The following KIF13A variants were observed in gnomAD, a reference collection of about 807,000 sequenced individuals.
KIF13A encodes the protein kinesin-like protein KIF13A.
KIF13A carries 79 observed loss-of-function variants against 212.2 expected under a neutral mutation model. The ratio of observed to expected loss-of-function variants is 0.37; its 90% CI spans 0.31 to 0.45. The LOEUF (loss-of-function observed/expected upper bound fraction) is 0.45. KIF13A is among the 20% of genes least tolerant of loss of function. The probability of loss-of-function intolerance (pLI) is 1.00; values close to 1 mark genes in which losing one functional copy is unlikely to be tolerated. For missense variants in KIF13A, 1,901 were observed against 2,209.0 expected, an observed-to-expected ratio of 0.86 and a Z score of 2.79; for synonymous variants, 789 against 808.6, an observed-to-expected ratio of 0.98 and a Z score of 0.41.
intron 17 of KIF13A, among the ~76,000 whole-genome samples, chr6:17,810,619 T>C (rs1041735373): frequency 6.6e-6 from 1 of 152,178 alleles, no homozygotes; most frequent in Non-Finnish European, 1.5e-5. Context: ...TAATAGACAA[T>C]GAAATAATGA....
At chr6:17,970,986 T>C (rs1002929634) in intron 2 of KIF13A, among the ~76,000 whole-genome samples, 4 of 152,230 alleles carry the variant, frequency 2.6e-5, no homozygotes, top group Non-Finnish European at 2.9e-5. Flanking sequence ...CAAATTTCAA[T>C]TTTATTTCGG....
intron 4 of KIF13A, among the ~76,000 whole-genome samples, chr6:17,873,048 C>T (rs192782749): frequency 1.4e-4 from 22 of 152,294 alleles, no homozygotes; most frequent in African/African-American, 5.1e-4. Flanking sequence ...GGAACTAAAG[C>T]AATTGTGACT....
chr6:17,981,391 C>T (rs1451450147), intron 2 of KIF13A, among the ~76,000 whole-genome samples: 1 of 150,830 alleles, frequency 6.6e-6, no homozygotes, highest in African/African-American at 2.4e-5. Flanking sequence ...AACTACAATG[C>T]ATTATAATTA....
chr6:17,958,876 C>CTT (rs398000716), intron 2 of KIF13A, among the ~76,000 whole-genome samples: 213 of 83,066 alleles, frequency 2.6e-3, no homozygotes, highest in Non-Finnish European at 3.1e-3. Context: ...TTTTCTTTTT[C>CTT]TTTTTTTTTT....
At position 17,888,780 on chromosome 6, in the gene KIF13A, G is replaced by A. The variant is rs1040388144; in HGVS notation, c.159+9388C>T. Among the ~76,000 whole-genome samples the A allele has an allele frequency of 6.6e-6, 1 of 151,962 alleles. No individual in the cohort carries two copies. The highest frequency in any genetic ancestry group is 2.4e-5 in the African/African-American group (1 of 41,348). ...GTGGAGGTTGCAGTGAGCCGAGACT[G>A]TGCCACTGCACTCCAGCCTGGGTGA... On this transcript the variant is annotated intron_variant, in intron 3 of 38. Coordinates refer to ENST00000259711, the MANE Select transcript of KIF13A (RefSeq NM_022113.6). The surrounding 1 kb of genome is among the most constrained non-coding windows in gnomAD (Gnocchi z 4.8).
chr6:17,871,864 T>C lies in KIF13A; in HGVS notation c.220+1513A>G, dbSNP rs1770046277. Among the ~76,000 whole-genome samples, 1 of 152,234 alleles carries C rather than the reference T, an allele frequency of 6.6e-6. No homozygotes were observed. Among genetic ancestry groups the C allele is most frequent in the African/African-American group, 2.4e-5 (1 of 41,458 alleles). On this transcript the variant is annotated intron_variant, in intron 4 of 38. Transcript: ENST00000259711. This position sits in a 1 kb window ranked among gnomAD's most constrained non-coding sequence, Gnocchi z 4.4. The stretch of plus-strand genomic sequence containing the variant: ...GGTTAATGACGGGTTTGTATAACCA[T>C]AGCATTTATCCCCATTTGTCTCTGC...
At position 17,961,562 on chromosome 6, in the gene KIF13A, A is replaced by G. The variant is rs1778817610; in HGVS notation, c.146+25492T>C. Among the ~76,000 whole-genome samples, 1 of 152,222 alleles carries G rather than the reference A, an allele frequency of 6.6e-6. No homozygotes were observed. On this transcript the variant is annotated intron_variant, in intron 2 of 38. Transcript: ENST00000259711. This position sits in a 1 kb window ranked among gnomAD's most constrained non-coding sequence, Gnocchi z 4.1. ...AAAACAGCCCAGTGACTGTATTTAT[A>G]GTAGAGATGTTATTGAAGATATTGT...
At chr6:17,788,331 T>C (rs933597695) in intron 26 of KIF13A, among the ~76,000 whole-genome samples, 1 of 152,168 alleles carries the variant, frequency 6.6e-6, no homozygotes, top group Non-Finnish European at 1.5e-5. Flanking sequence ...TTTTCTGAAA[T>C]GCAAAGAGTA....
chr6:17,960,774 G>A (rs1398501416), intron 2 of KIF13A, among the ~76,000 whole-genome samples: 2 of 152,216 alleles, frequency 1.3e-5, no homozygotes, highest in Non-Finnish European at 2.9e-5. Flanking sequence ...GAATTGTGGT[G>A]TCTATCATAT....
intron 2 of KIF13A, among the ~76,000 whole-genome samples, chr6:17,908,390 AG>A (rs1468056000): frequency 6.6e-6 from 1 of 152,204 alleles, no homozygotes. Context: ...GCTTGAGCCC[AG>A]GAGTTCAAGA....
intron 2 of KIF13A, among the ~76,000 whole-genome samples, chr6:17,975,373 G>T (rs146254309): frequency 6.6e-6 from 1 of 152,046 alleles, no homozygotes; most frequent in Admixed American, 6.6e-5. Context: ...CCCTCACAAT[G>T]AATATTACAA....
At chr6:17,920,320 A>C (rs1353042350) in intron 2 of KIF13A, among the ~76,000 whole-genome samples, 2 of 152,186 alleles carry the variant, frequency 1.3e-5, no homozygotes, top group Non-Finnish European at 2.9e-5. Context: ...ACCAAAAATG[A>C]AAGGTGGGAA....
chr6:17,789,565 AT>A lies in KIF13A; in HGVS notation c.3261+306del, dbSNP rs1761357050. Among the ~76,000 whole-genome samples, 1 of 152,186 alleles carries A rather than the reference AT, an allele frequency of 6.6e-6. No individual in the cohort carries two copies. Among genetic ancestry groups the A allele is most frequent in the South Asian group, 2.1e-4 (1 of 4,826 alleles). Reference sequence around the variant, plus strand: ...TTAATTTGCAGGAGACAGGAGTTTTATTATTACTCAAATCAGTCTCCAGATC... The same window carrying A: ...TTAATTTGCAGGAGACAGGAGTTTTATATTACTCAAATCAGTCTCCAGATC... On this transcript the variant is annotated intron_variant, in intron 26 of 38. Coordinates refer to ENST00000259711, the MANE Select transcript of KIF13A (RefSeq NM_022113.6). The surrounding 1 kb of genome is among the most constrained non-coding windows in gnomAD (Gnocchi z 4.8).
At chr6:17,860,252 A>G (rs774729395) in intron 4 of KIF13A, among the ~76,000 whole-genome samples, 1 of 151,624 alleles carries the variant, frequency 6.6e-6, no homozygotes, top group East Asian at 1.9e-4. Context: ...GCAGTGGTAC[A>G]ATCTCAGCTC....
chr6:17,917,016 A>C (rs577391088), intron 2 of KIF13A, among the ~76,000 whole-genome samples: 1 of 151,296 alleles, frequency 6.6e-6, no homozygotes, highest in East Asian at 1.9e-4. Flanking sequence ...GGACCAGGTC[A>C]ACTTTACAAA....
intron 16 of KIF13A, chr6:17,822,040 C>CGTCT: frequency 3.2e-6 from 2 of 615,938 alleles, no homozygotes. Context: ...GGAAACATAA[C>CGTCT]TTCTTTTTTT....
At chr6:17,868,420 C>T (rs1363594787) in intron 4 of KIF13A, among the ~76,000 whole-genome samples, 1 of 152,148 alleles carries the variant, frequency 6.6e-6, no homozygotes, top group Non-Finnish European at 1.5e-5. Context: ...TCAGTATTGA[C>T]TATAATATAC....
chr6:17,875,533 C>A (rs1269642920), intron 3 of KIF13A, among the ~76,000 whole-genome samples: 2 of 151,244 alleles, frequency 1.3e-5, no homozygotes, highest in South Asian at 2.1e-4. Context: ...CAGCTCACTG[C>A]AGCCTCTGCC....
intron 2 of KIF13A, among the ~76,000 whole-genome samples, chr6:17,902,989 T>C (rs189081653): frequency 3.3e-5 from 5 of 152,310 alleles, no homozygotes; most frequent in Admixed American, 3.3e-4. Flanking sequence ...TCCTACAATT[T>C]TGGGGCAAGA....
Sources: allele counts gnomAD v4.1 joint callset (sites outside exome capture counted in the v4.1 genomes callset), GRCh38; gene constraint gnomAD v4.1.1; non-coding constraint Gnocchi (gnomAD v3.1); transcripts MANE v1.5; gene names NCBI Gene and HGNC (gene_info 2026-07-23, HGNC 2026-07-21).